BRF1: variants seen among roughly 807,000 people sequenced by gnomAD.
BRF1 encodes transcription factor IIIB 90 kDa subunit.
BRF1 carries 59 observed loss-of-function variants against 81.7 expected under a neutral mutation model. The ratio of observed to expected loss-of-function variants is 0.72; its 90% CI spans 0.59 to 0.90. The LOEUF is 0.90. BRF1 is among the 40% of genes least tolerant of loss of function. BRF1 has a pLI of 0.00. For missense variants in BRF1, 1,050 were observed against 936.3 expected (o/e 1.12, Z -1.58); for synonymous variants, 491 against 395.6 (o/e 1.24, Z -2.86).
rs1255994744 is a variant in BRF1, at chr14:105,250,588, C to T, written c.544+1919G>A. 9.3e-6 allele frequency: 15 copies of T among 1,613,968 alleles called. No homozygotes were observed. In the Admixed American group the frequency reaches 2.5e-4, roughly 27 times the overall value. On this transcript the variant is annotated intron_variant, in intron 5 of 17. Transcript: ENST00000547530. ...CGGAAGTGCAGTGTGGAAAGGTGGC[C>T]TTCCAGTTCCAGTGCTCCTCGGACA...
At chr14:105,297,041 A>G (rs747078442) in intron 1 of BRF1, among the ~76,000 whole-genome samples, 1 of 150,528 alleles carries the variant, frequency 6.6e-6, no homozygotes, top group South Asian at 2.1e-4. Flanking sequence ...TCCTGTAATC[A>G]CAGCTACTTG....
intron 11 of BRF1, 93 bp from the exon 12 acceptor site, chr14:105,220,223 GGCTAA>G: frequency 6.8e-7 from 1 of 1,465,594 alleles, no homozygotes; most frequent in Non-Finnish European, 9.5e-7. Flanking sequence ...CCTGGGTCTG[GGCTAA>G]GGGCTTTCTA....
At chr14:105,219,710 T>G in intron 12 of BRF1, 1 of 417,064 alleles carries the variant, frequency 2.4e-6, no homozygotes. Context: ...CCCTGGGGTT[T>G]GGGGGCGCAC....
At position 105,243,938 on chromosome 14, in the gene BRF1, T is replaced by C. The variant is rs2054898188; in HGVS notation, c.545-2524A>G. ...TTGCTTGAACCCGGGAGGTGGAGGT[T>C]GCAATGAACCAAGACTGCGCCACTG... On this transcript the variant is annotated intron_variant, in intron 5 of 17. Coordinates refer to ENST00000547530, the MANE Select transcript of BRF1 (RefSeq NM_001519.4). 2.0e-5 allele frequency among the ~76,000 whole-genome samples: 3 copies of C among 152,170 alleles called. No homozygotes were observed. In the South Asian group the frequency reaches 6.2e-4, roughly 32 times the overall value.
At chr14:105,288,253 GA>G (rs896929015) in intron 1 of BRF1, among the ~76,000 whole-genome samples, 13 of 151,890 alleles carry the variant, frequency 8.6e-5, no homozygotes, top group African/African-American at 2.7e-4. Context: ...AGGAGATCGA[GA>G]CCATCTTGGC....
Position 105,241,430 on chromosome 14 carries a change from C to G in BRF1, c.545-16G>C. ...AGGCACGGGTCTGCGGCAGACACAGCACCTCAGTGCCCACCTCCATGTGCC... is the reference window on the plus strand; with the variant it reads ...AGGCACGGGTCTGCGGCAGACACAGGACCTCAGTGCCCACCTCCATGTGCC... On this transcript the variant is annotated splice_polypyrimidine_tract_variant and intron_variant, in intron 5 of 17. Coordinates refer to ENST00000547530, the MANE Select transcript of BRF1 (RefSeq NM_001519.4). 6.2e-7 allele frequency: 1 copy of G among 1,609,212 alleles called. No homozygotes were observed. Among genetic ancestry groups the G allele is most frequent in the Non-Finnish European group, 8.5e-7 (1 of 1,179,802 alleles).
chr14:105,256,150 A>G, intron 4 of BRF1: 2 of 1,452,254 alleles, frequency 1.4e-6, no homozygotes, highest in Middle Eastern at 3.8e-4. Flanking sequence ...AATAAAATGC[A>G]AGGTCAAAAG....
chr14:105,310,533 C>CA (rs764203821), intron 1 of BRF1, among the ~76,000 whole-genome samples: 61,083 of 79,774 alleles, frequency 0.77, 22,981 homozygotes, highest in Middle Eastern at 0.82. Flanking sequence ...GACTCTGTCT[C>CA]AAAAAAAAAA....
At chr14:105,229,320 G>A (rs1268747132) in intron 6 of BRF1, among the ~76,000 whole-genome samples, 1 of 152,202 alleles carries the variant, frequency 6.6e-6, no homozygotes, top group Non-Finnish European at 1.5e-5. Flanking sequence ...GTTCACCAAG[G>A]CCACAGTGGG....
chr14:105,228,559 A>G (rs1018851092), intron 7 of BRF1, among the ~76,000 whole-genome samples: 3 of 151,672 alleles, frequency 2.0e-5, no homozygotes, highest in African/African-American at 4.8e-5. Flanking sequence ...AAAAAAAAAA[A>G]TACAGGGATC....
Position 105,252,517 on chromosome 14 carries a change from C to T in BRF1, c.534G>A (p.Ala178=), listed in dbSNP as rs140389261. 6.2e-6 allele frequency: 10 copies of T among 1,613,556 alleles called. No homozygotes were observed. The East Asian group carries it at 8.9e-5, about 14-fold the overall frequency. ...CACCCAGATGCCTACCTATGGCCGG[C>T]GCATTGATGCAGAGCTCTCTTGCCA... is the stretch of plus-strand genomic sequence containing the variant. ...LLLARELCIN[A]PAIDPCLYIP... is the part of the protein sequence containing the mutation. The change falls in exon 5 of 18, where the codon GCG becomes GCA. Residue 178 remains alanine (A), a synonymous_variant. Transcript: ENST00000547530.
intron 5 of BRF1, chr14:105,249,090 G>A (rs2055388958): frequency 6.1e-6 from 9 of 1,474,522 alleles, no homozygotes. Context: ...CGAGAGGTGA[G>A]CCCGTGCCCC....
At chr14:105,212,420 C>T in intron 15 of BRF1, 2 of 475,806 alleles carry the variant, frequency 4.2e-6, no homozygotes, top group Non-Finnish European at 7.6e-6. Context: ...CCCCGCTCCC[C>T]AGCCCACTCC....
At chr14:105,255,211 C>G (rs1047675479) in intron 4 of BRF1, among the ~76,000 whole-genome samples, 1 of 152,262 alleles carries the variant, frequency 6.6e-6, no homozygotes, top group Non-Finnish European at 1.5e-5. Context: ...CTCATCTTCC[C>G]TGGGAAGTCG....
At chr14:105,297,921 A>G (rs923033208) in intron 1 of BRF1, among the ~76,000 whole-genome samples, 1 of 152,104 alleles carries the variant, frequency 6.6e-6, no homozygotes, top group Non-Finnish European at 1.5e-5. Context: ...GCGTGAAGCC[A>G]GGAGGCGGAG....
At chr14:105,273,164 T>A (rs2056732311) in intron 2 of BRF1, among the ~76,000 whole-genome samples, 1 of 152,170 alleles carries the variant, frequency 6.6e-6, no homozygotes, top group Non-Finnish European at 1.5e-5. Context: ...TGAATGTGCC[T>A]CTCTCCAGGG....
intron 1 of BRF1, among the ~76,000 whole-genome samples, chr14:105,288,295 A>G (rs1219819495): frequency 6.6e-6 from 1 of 151,710 alleles, no homozygotes; most frequent in Admixed American, 6.6e-5. Context: ...TCTACTAAAA[A>G]TACAAAATTA....
chr14:105,228,688 G>C, intron 7 of BRF1, 132 bp downstream of exon 7: 1 of 994,790 alleles, frequency 1.0e-6, no homozygotes, highest in African/African-American at 1.6e-5. Context: ...CCGGGGCTGG[G>C]CTAGGTCCTG....
At chr14:105,248,556 G>GGCGGGTGCGGGTGCGGGTGCGGGT (rs1187130257) in intron 5 of BRF1, 1 of 828,328 alleles carries the variant, frequency 1.2e-6, no homozygotes. Flanking sequence ...CCGGCGCCGC[G>GGCGGGTGCGGGTGCGGGTGCGGGT]GCGGGTACGG....
Sources: gnomAD v4.1 joint callset for allele counts (sites outside exome capture counted in the v4.1 genomes callset) on GRCh38, gnomAD v4.1.1 for gene constraint, MANE v1.5 for transcripts, NCBI Gene and HGNC (gene_info 2026-07-23, HGNC 2026-07-21) for gene names.